EVI5: variants seen among roughly 807,000 people sequenced by gnomAD.
EVI5 encodes the protein ecotropic viral integration site 5 protein homolog.
Under a neutral mutation model 112.0 loss-of-function variants are expected in EVI5, and 73 were observed. That is an observed-to-expected ratio of 0.65 (90% CI 0.54 to 0.79). EVI5 has a LOEUF of 0.79. Ranked by LOEUF, EVI5 falls within the 30% of genes least tolerant of loss-of-function variation. The probability of loss-of-function intolerance (pLI) is 0.00; values close to 1 mark genes in which losing one functional copy is unlikely to be tolerated. For missense variants in EVI5, 900 were observed against 968.8 expected, an observed-to-expected ratio of 0.93 and a Z score of 0.94; for synonymous variants, 305 against 319.9, an observed-to-expected ratio of 0.95 and a Z score of 0.50.
intron 1 of EVI5, among the ~76,000 whole-genome samples, chr1:92,782,053 A>T (rs967379906): frequency 4.6e-5 from 7 of 151,490 alleles, no homozygotes; most frequent in African/African-American, 1.5e-4. Flanking sequence ...GAGGTCAAGA[A>T]ATCAAGACCA....
At chr1:92,514,743 C>T (rs1378918774) in intron 19 of EVI5, among the ~76,000 whole-genome samples, 3 of 152,180 alleles carry the variant, frequency 2.0e-5, no homozygotes, top group East Asian at 3.8e-4. Flanking sequence ...AAACCCCAGA[C>T]ATCCTATCAG....
At chr1:92,527,818 T>A (rs1227702466) in intron 19 of EVI5, among the ~76,000 whole-genome samples, 2 of 152,244 alleles carry the variant, frequency 1.3e-5, no homozygotes, top group African/African-American at 4.8e-5. Context: ...GCTTATGCTT[T>A]TCCGGTGTGG....
chr1:92,655,866 A>G (rs770025559), intron 13 of EVI5, among the ~76,000 whole-genome samples: 1 of 152,214 alleles, frequency 6.6e-6, no homozygotes, highest in Non-Finnish European at 1.5e-5. Context: ...GGACATCCTG[A>G]GACAGTGCCT....
chr1:92,569,521 G>T (rs369514519), intron 18 of EVI5, among the ~76,000 whole-genome samples: 25 of 152,178 alleles, frequency 1.6e-4, no homozygotes, highest in African/African-American at 5.5e-4. Flanking sequence ...ATTTACATGC[G>T]CTTATGTCTG....
At chr1:92,767,900 C>A (rs188829593) in intron 1 of EVI5, among the ~76,000 whole-genome samples, 1 of 151,914 alleles carries the variant, frequency 6.6e-6, no homozygotes, top group Admixed American at 6.6e-5. Flanking sequence ...GCCAATGTGG[C>A]GAAACACTGT....
intron 9 of EVI5, among the ~76,000 whole-genome samples, chr1:92,684,038 G>A (rs1408974945): frequency 6.6e-6 from 1 of 152,066 alleles, no homozygotes; most frequent in Non-Finnish European, 1.5e-5. Context: ...TTCAAATTGA[G>A]GAAAAACAGA....
chr1:92,711,581 G>A (rs1672860332), intron 2 of EVI5, among the ~76,000 whole-genome samples: 1 of 152,138 alleles, frequency 6.6e-6, no homozygotes, highest in East Asian at 1.9e-4. Flanking sequence ...CTTGAGCCCA[G>A]GAGGTCAAGG....
chr1:92,756,480 G>T, intron 1 of EVI5: 1 of 539,248 alleles, frequency 1.9e-6, no homozygotes. Context: ...TGGCCTACAA[G>T]ACTACATCAT....
At position 92,714,057 on chromosome 1, in the gene EVI5, T is replaced by C. The variant is rs186011345; in HGVS notation, c.150-9313A>G. ...TTTAAAATGAAAAAAGAAAAGCACA[T>C]TTAACACACAAGGGGGAAAAAAAAC... On this transcript the variant is annotated intron_variant, in intron 2 of 19. Coordinates refer to ENST00000684568, the MANE Select transcript of EVI5 (RefSeq NM_001350197.2). 93 of 984,760 alleles carry C rather than the reference T, an allele frequency of 9.4e-5. 1 individual carries two copies. The African/African-American group carries it at 1.5e-3, about 16-fold the overall frequency. The allele number at this position is 984,760 out of a possible 1,614,324, so 61.0% of individuals were successfully genotyped here.
At chr1:92,641,232 T>G (rs1659908481) in intron 13 of EVI5, among the ~76,000 whole-genome samples, 1 of 152,324 alleles carries the variant, frequency 6.6e-6, no homozygotes, top group South Asian at 2.1e-4. Flanking sequence ...TTTAAAATGT[T>G]TATCTCTATA....
At chr1:92,703,370 C>CA in intron 4 of EVI5, 25 bp downstream of exon 4, 1 of 1,356,736 alleles carries the variant, frequency 7.4e-7, no homozygotes, top group Admixed American at 2.3e-5. Flanking sequence ...CATTTCATTT[C>CA]AAAAAATGAA....
chr1:92,655,594 C>A (rs557143394), intron 13 of EVI5, among the ~76,000 whole-genome samples: 32 of 152,204 alleles, frequency 2.1e-4, no homozygotes, highest in African/African-American at 7.7e-4. Flanking sequence ...TTACAAGAAA[C>A]CCACCTAATA....
At chr1:92,604,797 A>C (rs1400520253) in intron 18 of EVI5, among the ~76,000 whole-genome samples, 1 of 152,232 alleles carries the variant, frequency 6.6e-6, no homozygotes, top group African/African-American at 2.4e-5. Context: ...CTATAACATA[A>C]TGATGGCTAT....
chr1:92,663,458 A>T lies in EVI5; in HGVS notation c.1213-6T>A, dbSNP rs1386852795. 16 of 1,391,254 alleles carry T rather than the reference A, an allele frequency of 1.2e-5. No homozygotes were observed. Among genetic ancestry groups the T allele is most frequent in the Non-Finnish European group, 1.5e-5 (16 of 1,037,824 alleles). The allele number at this position is 1,391,254 out of a possible 1,614,324, so 86.2% of individuals were successfully genotyped here. On this transcript the variant is annotated splice_region_variant and splice_polypyrimidine_tract_variant and intron_variant, in intron 11 of 19. Coordinates refer to ENST00000684568, the MANE Select transcript of EVI5 (RefSeq NM_001350197.2). ...TCTGCCAAGGAAGCACTTTCCTACA[A>T]AAGGAAAAATTCAGATAGAAATATA...
chr1:92,549,479 A>G (rs1409299925), intron 19 of EVI5, among the ~76,000 whole-genome samples: 1 of 151,666 alleles, frequency 6.6e-6, no homozygotes, highest in Non-Finnish European at 1.5e-5. Flanking sequence ...AATGGCATCA[A>G]AAGCCAAAAT....
Position 92,509,033 on chromosome 1 carries a change from G to A in EVI5, c.*4623C>T, listed in dbSNP as rs1408841724. The A allele has an allele frequency of 1.3e-5, 2 of 152,140 alleles. No homozygotes were observed. Among genetic ancestry groups the A allele is most frequent in the African/African-American group, 4.8e-5 (2 of 41,434 alleles). The allele number at this position is 152,140 out of a possible 1,614,324, so 9.4% of individuals were successfully genotyped here. On this transcript the variant is annotated 3_prime_UTR_variant, in exon 20 of 20. Coordinates refer to ENST00000684568, the MANE Select transcript of EVI5 (RefSeq NM_001350197.2). ...AGTAACTTTCAAGCTAAAACTCATT[G>A]TTTTGGTAAGTAAATAACTGATTTC...
intron 19 of EVI5, among the ~76,000 whole-genome samples, chr1:92,524,636 C>T (rs1661538412): frequency 6.6e-6 from 1 of 152,152 alleles, no homozygotes; most frequent in Admixed American, 6.5e-5. Context: ...ACAGTCTACA[C>T]TTGAGAGAAC....
intron 10 of EVI5, among the ~76,000 whole-genome samples, chr1:92,676,660 G>A (rs1666796837): frequency 6.6e-6 from 1 of 152,112 alleles, no homozygotes; most frequent in Non-Finnish European, 1.5e-5. Flanking sequence ...CCTTCGAATT[G>A]AAAATCTGCT....
chr1:92,767,473 A>G (rs1315434000), intron 1 of EVI5, among the ~76,000 whole-genome samples: 1 of 152,228 alleles, frequency 6.6e-6, no homozygotes, highest in Non-Finnish European at 1.5e-5. Flanking sequence ...TCCCGAGGAT[A>G]AGGGGGAACT....
Sources: gnomAD v4.1 joint callset for allele counts (sites outside exome capture counted in the v4.1 genomes callset) on GRCh38, gnomAD v4.1.1 for gene constraint, MANE v1.5 for transcripts, NCBI Gene and HGNC (gene_info 2026-07-23, HGNC 2026-07-21) for gene names.